The following TTLL5 variants were observed in gnomAD, a reference collection of about 807,000 sequenced individuals.
TTLL5 encodes the protein tubulin tyrosine ligase like 5.
TTLL5 carries 132 observed loss-of-function variants against 168.4 expected under a neutral mutation model. The observed-to-expected ratio is 0.78, with a 90% confidence interval of 0.68 to 0.91. TTLL5 has a LOEUF of 0.91. Among genes scored for constraint, TTLL5 ranks in the 40% least tolerant of loss-of-function variants. TTLL5 has a pLI of 0.00. For missense variants in TTLL5, 1,545 were observed against 1,581.5 expected (o/e 0.98, Z 0.39); for synonymous variants, 546 against 558.6 (o/e 0.98, Z 0.32).
intron 29 of TTLL5, among the ~76,000 whole-genome samples, chr14:75,873,218 T>G (rs531750582): frequency 6.6e-6 from 1 of 151,840 alleles, no homozygotes; most frequent in East Asian, 2.0e-4. Context: ...GGACTACAGG[T>G]GCCCACCACC....
intron 27 of TTLL5, among the ~76,000 whole-genome samples, chr14:75,793,469 A>G (rs762364398): frequency 1.3e-5 from 2 of 152,158 alleles, no homozygotes; most frequent in Admixed American, 6.5e-5. Context: ...ATTTTATAAC[A>G]TTACCCTTTA....
At chr14:75,707,226 T>C in intron 8 of TTLL5, 139 bp downstream of exon 8, 1 of 676,992 alleles carries the variant, frequency 1.5e-6, no homozygotes, top group Non-Finnish European at 2.6e-6. Flanking sequence ...AGGCAGCAGG[T>C]TCCTTACCTA....
In TTLL5 at chr14:75,812,753, C is replaced by T. The variant is rs547527471; in HGVS notation, c.3172-7254C>T. On this transcript the variant is annotated intron_variant, in intron 27 of 31. Transcript: ENST00000298832. ...CATTGAATGGTTCCTTTTACCTGTT[C>T]TCTCGTTTCCTTAGCTACCATTCCT... Among the ~76,000 whole-genome samples the T allele has an allele frequency of 1.4e-4, 22 of 152,274 alleles. No homozygotes were observed. In the South Asian group the frequency reaches 4.6e-3, roughly 32 times the overall value.
At position 75,783,603 on chromosome 14, in the gene TTLL5, C is replaced by T. The variant is rs527410782; in HGVS notation, c.2986+73C>T. ...CCCCAATAAAGAAAGGATGTCATCT[C>T]TTCCCTTTGCCTTTTTTTAAATTTT... On this transcript the variant is annotated intron_variant, in intron 26 of 31. Transcript: ENST00000298832. The T allele has an allele frequency of 9.8e-6, 15 of 1,536,162 alleles. No homozygotes were observed. The East Asian group carries it at 2.7e-4, about 28-fold the overall frequency.
chr14:75,757,350 T>G lies in TTLL5; in HGVS notation c.1550+4395T>G, dbSNP rs148462266. On this transcript the variant is annotated intron_variant, in intron 18 of 31. Transcript: ENST00000298832. ...GCATCCCTTTTGAACCCCATGAGAA[T>G]TGAGCTTGGTTTCTTTTCCTAAAAC... Among the ~76,000 whole-genome samples the G allele has an allele frequency of 3.2e-3, 486 of 152,272 alleles. 1 individual carries two copies. The highest frequency in any genetic ancestry group is 0.011 in the African/African-American group (477 of 41,554).
At chr14:75,811,664 G>A (rs184098091) in intron 27 of TTLL5, among the ~76,000 whole-genome samples, 1 of 152,290 alleles carries the variant, frequency 6.6e-6, no homozygotes, top group East Asian at 1.9e-4. Flanking sequence ...ACCTGTGATA[G>A]GCAATACAGC....
At chr14:75,707,398 C>A (rs571820395) in intron 8 of TTLL5, among the ~76,000 whole-genome samples, 1 of 151,850 alleles carries the variant, frequency 6.6e-6, no homozygotes, top group African/African-American at 2.4e-5. Context: ...TGTATATATA[C>A]ATTATACGGT....
intron 6 of TTLL5, among the ~76,000 whole-genome samples, chr14:75,693,552 A>G (rs1487291500): frequency 6.6e-6 from 1 of 152,254 alleles, no homozygotes; most frequent in Non-Finnish European, 1.5e-5. Context: ...ACACTGGTCT[A>G]TCTAGGCTCC....
At chr14:75,724,285 C>T (rs1243701587) in intron 12 of TTLL5, among the ~76,000 whole-genome samples, 1 of 152,188 alleles carries the variant, frequency 6.6e-6, no homozygotes, top group Non-Finnish European at 1.5e-5. Context: ...TCTTCAATAT[C>T]CCATCCTATT....
intron 3 of TTLL5, among the ~76,000 whole-genome samples, 191 bp from the exon 4 acceptor site, chr14:75,681,354 C>T (rs893593875): frequency 6.6e-6 from 1 of 152,118 alleles, no homozygotes; most frequent in African/African-American, 2.4e-5. Flanking sequence ...ATTTTTCCCC[C>T]ATCTATGTCT....
chr14:75,861,860 A>T (rs1317847746), intron 28 of TTLL5, among the ~76,000 whole-genome samples: 1 of 152,236 alleles, frequency 6.6e-6, no homozygotes, highest in African/African-American at 2.4e-5. Context: ...TATATTTAGC[A>T]TAAAATTTAC....
chr14:75,736,067 T>A (rs1289365854), intron 15 of TTLL5, among the ~76,000 whole-genome samples: 1 of 152,234 alleles, frequency 6.6e-6, no homozygotes, highest in East Asian at 1.9e-4. Context: ...TCACCTTTAC[T>A]TTTCATTTTA....
chr14:75,872,976 T>C (rs2031165157), intron 29 of TTLL5, among the ~76,000 whole-genome samples: 1 of 151,850 alleles, frequency 6.6e-6, no homozygotes, highest in Non-Finnish European at 1.5e-5. Flanking sequence ...TTTTTTATCA[T>C]TTAGGTAGAA....
chr14:75,828,749 A>G (rs577432474), intron 28 of TTLL5, among the ~76,000 whole-genome samples: 30 of 152,356 alleles, frequency 2.0e-4, no homozygotes, highest in Middle Eastern at 3.4e-3. Context: ...TAGCTGCTTG[A>G]GCCCAGTACT....
rs113040863 is a variant in TTLL5, at chr14:75,713,504, G to A, written c.741-4357G>A. The stretch of plus-strand genomic sequence containing the variant: ...GAGCATATCCCCATTGTTAAGTGAC[G>A]AATGGTTGTATGTGCAAACTTGGTC... On this transcript the variant is annotated intron_variant, in intron 9 of 31. Transcript: ENST00000298832. Among the ~76,000 whole-genome samples the A allele has an allele frequency of 1.1e-4, 17 of 152,210 alleles. No individual in the cohort carries two copies. The South Asian group carries it at 1.4e-3, about 13-fold the overall frequency.
chr14:75,883,960 G>A (rs1469946940), intron 30 of TTLL5, among the ~76,000 whole-genome samples: 1 of 152,176 alleles, frequency 6.6e-6, no homozygotes, highest in Non-Finnish European at 1.5e-5. Context: ...AGACTGCCTG[G>A]ATTCACATCC....
At chr14:75,826,293 G>A (rs974166344) in intron 28 of TTLL5, among the ~76,000 whole-genome samples, 19 of 108,952 alleles carry the variant, frequency 1.7e-4, no homozygotes, top group Middle Eastern at 6.0e-3. Context: ...CTTAGGATAC[G>A]CGTACACACA....
At chr14:75,858,419 A>G (rs902550305) in intron 28 of TTLL5, among the ~76,000 whole-genome samples, 5 of 152,200 alleles carry the variant, frequency 3.3e-5, no homozygotes, top group South Asian at 4.1e-4. Context: ...CCTGGAGTGT[A>G]TATCTTTTTA....
At chr14:75,886,672 C>G in intron 30 of TTLL5, 1 of 1,594,996 alleles carries the variant, frequency 6.3e-7, no homozygotes, top group Non-Finnish European at 8.5e-7. Context: ...ATTTTCTTCT[C>G]CAATGTTTGC....
Sources: allele counts gnomAD v4.1 joint callset (sites outside exome capture counted in the v4.1 genomes callset), GRCh38; gene constraint gnomAD v4.1.1; transcripts MANE v1.5; gene names NCBI Gene and HGNC (gene_info 2026-07-23, HGNC 2026-07-21).